PSD2: variants seen among roughly 807,000 people sequenced by gnomAD.
PSD2 encodes the protein PH and SEC7 domain-containing protein 2.
In PSD2, 38 loss-of-function variants were observed where a neutral mutation model predicts 69.8. The observed-to-expected ratio is 0.54, with a 90% CI of 0.42 to 0.71. The LOEUF (loss-of-function observed/expected upper bound fraction) is 0.71, where lower values mean the gene tolerates loss of function less well. Among genes scored for constraint, PSD2 ranks in the 30% least tolerant of loss-of-function variants. The pLI is 0.00. For synonymous variants in PSD2, 412 were observed against 423.0 expected (o/e 0.97, Z 0.32); for missense variants, 943 against 1,014.5 (o/e 0.93, Z 0.96).
the PSD2 span, among the ~76,000 whole-genome samples, chr5:139,788,390 A>AACCCTAACC: frequency 6.6e-6 from 1 of 152,180 alleles, no homozygotes. Flanking sequence ...ACCCGAACTC[A>AACCCTAACC]ACCCTAACCG....
Position 139,839,906 on chromosome 5 carries a change from T to G in PSD2, c.1969-121T>G. 1 of 1,075,986 alleles carries G rather than the reference T, an allele frequency of 9.3e-7. No individual in the cohort carries two copies. Among genetic ancestry groups the G allele is most frequent in the Non-Finnish European group, 1.4e-6 (1 of 726,094 alleles). 66.7% of individuals were successfully genotyped at this position (1,075,986 alleles called of 1,614,324 possible). A position where few individuals can be genotyped will look rare whatever the true frequency, so the allele number is the denominator to read the frequency against. On this transcript the variant is annotated intron_variant, in intron 13 of 14. Transcript: ENST00000274710. The surrounding 1 kb of genome is among the most constrained non-coding windows in gnomAD (Gnocchi z 5.1). ...CAGAGTCTGGCTCTGTCCCCACATT[T>G]TGGTGATGCTGGCTAGGCCTTCATT...
At chr5:139,762,740 C>T in the PSD2 span, among the ~76,000 whole-genome samples, 1 of 152,028 alleles carries the variant, frequency 6.6e-6, no homozygotes, top group Non-Finnish European at 1.5e-5. Context: ...CTACAGACCC[C>T]TCCCGGCAGA....
intron 14 of PSD2, among the ~76,000 whole-genome samples, chr5:139,841,778 T>C (rs1345467194): frequency 6.6e-6 from 1 of 152,232 alleles, no homozygotes; most frequent in African/African-American, 2.4e-5. Context: ...CATGTGCTTG[T>C]TGGCCGTTTG....
intron 7 of PSD2, among the ~76,000 whole-genome samples, chr5:139,829,071 C>T (rs2126957549): frequency 6.6e-6 from 1 of 152,260 alleles, no homozygotes; most frequent in Non-Finnish European, 1.5e-5. Flanking sequence ...CGTGGACCTC[C>T]CTTGGGCTTT....
rs1319107262 is a variant in PSD2, at chr5:139,838,693, C to T, written c.1889C>T (p.Pro630Leu). Reference protein sequence around the residue: ...INLVAAIFSAPAFPAAVSSMK... With the variant: ...INLVAAIFSALAFPAAVSSMK... ...CTGGTGGCAGCCATCTTCTCTGCCCCGGCCTTCCCAGCCGCTGTCAGCTCC... is the reference window on the plus strand; with the variant it reads ...CTGGTGGCAGCCATCTTCTCTGCCCTGGCCTTCCCAGCCGCTGTCAGCTCC... The change falls in exon 13 of 15, where the codon CCG (proline) becomes CTG (leucine). Residue 630 changes from proline to leucine, a missense_variant. Pro to Leu is a moderately conservative substitution (Grantham distance 98). Coordinates refer to ENST00000274710, the MANE Select transcript of PSD2 (RefSeq NM_032289.4). 7.4e-6 allele frequency: 12 copies of T among 1,614,006 alleles called. No homozygotes were observed. Among genetic ancestry groups the T allele is most frequent in the Middle Eastern group, 1.7e-4 (1 of 6,028 alleles).
At chr5:139,821,614 C>T (rs1179766436) in intron 5 of PSD2, among the ~76,000 whole-genome samples, 1 of 152,222 alleles carries the variant, frequency 6.6e-6, no homozygotes, top group African/African-American at 2.4e-5. Flanking sequence ...GCTCTTCTGT[C>T]TTTGTTCTTC....
At chr5:139,826,023 C>A (rs899875033) in intron 7 of PSD2, among the ~76,000 whole-genome samples, 6 of 152,138 alleles carry the variant, frequency 3.9e-5, no homozygotes, top group Admixed American at 3.9e-4. Flanking sequence ...CCAGACAAGA[C>A]AGCATTTCGA....
intron 12 of PSD2, 74 bp from the exon 13 acceptor site, chr5:139,838,553 TG>T: frequency 6.5e-7 from 1 of 1,530,460 alleles, no homozygotes. Context: ...GGCCCAGTGC[TG>T]GGTACGGGAT....
intron 9 of PSD2, 23 bp downstream of exon 9, chr5:139,835,789 G>T: frequency 6.2e-7 from 1 of 1,612,520 alleles, no homozygotes; most frequent in East Asian, 2.2e-5. Flanking sequence ...GATGGGCACA[G>T]GTATGGGGAG....
chr5:139,812,237 A>G (rs1759986280), intron 2 of PSD2, among the ~76,000 whole-genome samples: 1 of 152,230 alleles, frequency 6.6e-6, no homozygotes, highest in Non-Finnish European at 1.5e-5. Context: ...AAGAAAAAGT[A>G]GGAAAAAAGG....
intron 7 of PSD2, among the ~76,000 whole-genome samples, chr5:139,823,946 G>A (rs574878098): frequency 6.6e-6 from 1 of 152,336 alleles, no homozygotes; most frequent in East Asian, 1.9e-4. Flanking sequence ...GCCTGCGTCA[G>A]GAAGAGCAAA....
chr5:139,764,410 G>A, the PSD2 span, among the ~76,000 whole-genome samples: 1 of 152,322 alleles, frequency 6.6e-6, no homozygotes, highest in Admixed American at 6.5e-5. Flanking sequence ...GCCCCTGGGA[G>A]TGTGAGTGAG....
At chr5:139,775,504 A>C in the PSD2 span, 2 of 152,376 alleles carry the variant, frequency 1.3e-5, no homozygotes, top group Admixed American at 6.5e-5. Context: ...TCGTCATACC[A>C]ACATCCTCAC....
chr5:139,809,190 G>A (rs1046340249), intron 1 of PSD2, among the ~76,000 whole-genome samples: 12 of 152,362 alleles, frequency 7.9e-5, no homozygotes, highest in African/African-American at 2.9e-4. Context: ...AGGGTCAAGG[G>A]TGAGGTGAGG....
chr5:139,806,635 G>A (rs1759814298), intron 1 of PSD2, among the ~76,000 whole-genome samples: 1 of 152,212 alleles, frequency 6.6e-6, no homozygotes, highest in African/African-American at 2.4e-5. Flanking sequence ...CCCTGGGGGA[G>A]AACAGAGGTG....
chr5:139,785,234 CTT>C, the PSD2 span, among the ~76,000 whole-genome samples: 19 of 141,896 alleles, frequency 1.3e-4, no homozygotes, highest in African/African-American at 3.9e-4. Context: ...CCCTTCCTTC[CTT>C]TTTTTTTTTT....
intron 9 of PSD2, among the ~76,000 whole-genome samples, chr5:139,836,105 C>T (rs2126966347): frequency 6.6e-6 from 1 of 152,348 alleles, no homozygotes; most frequent in East Asian, 1.9e-4. Flanking sequence ...AGACAGGAGG[C>T]ATGAGGCCTC....
the PSD2 span, among the ~76,000 whole-genome samples, chr5:139,776,171 T>C: frequency 1.1e-4 from 16 of 152,092 alleles, no homozygotes; most frequent in African/African-American, 3.9e-4. Flanking sequence ...TGGGGAGGGG[T>C]ATCCAGGGAG....
At position 139,837,686 on chromosome 5, in the gene PSD2, A is replaced by G. The variant is rs1460842852; in HGVS notation, c.1727A>G (p.His576Arg). 56 of 1,614,120 alleles carry G rather than the reference A, an allele frequency of 3.5e-5. No individual in the cohort carries two copies. Among genetic ancestry groups the G allele is most frequent in the Non-Finnish European group, 4.7e-5 (55 of 1,179,968 alleles). The change falls in exon 12 of 15, where the codon CAT becomes CGT. Residue 576 changes from histidine (H) to arginine (R), a missense_variant. This residue lies in a region of PSD2 where 312 missense variants were observed against 400.7 expected (regional missense o/e 0.78). Coordinates refer to ENST00000274710, the MANE Select transcript of PSD2 (RefSeq NM_032289.4). The surrounding 1 kb of genome is among the most constrained non-coding windows in gnomAD (Gnocchi z 5.0). Reference protein sequence around the residue: ...EGDLKNAIRVHHALATRASDY... With the variant: ...EGDLKNAIRVRHALATRASDY... Reference sequence around the variant, plus strand: ...GACCTGAAGAACGCCATTCGCGTGCATCACGCTCTGGCCACCAGGGCCTCT... The same window carrying G: ...GACCTGAAGAACGCCATTCGCGTGCGTCACGCTCTGGCCACCAGGGCCTCT...
Sources: gnomAD v4.1 joint callset for allele counts (sites outside exome capture counted in the v4.1 genomes callset) on GRCh38, gnomAD v4.1.1 for gene constraint, gnomAD v4.1.1 regional missense constraint, Gnocchi (gnomAD v3.1) non-coding constraint, MANE v1.5 for transcripts, NCBI Gene and HGNC (gene_info 2026-07-23, HGNC 2026-07-21) for gene names.